TUSC3: variants seen among roughly 807,000 people sequenced by gnomAD.
The protein encoded by TUSC3 is dolichyl-diphosphooligosaccharide--protein glycosyltransferase subunit TUSC3.
In TUSC3, 45 loss-of-function variants were observed where a neutral mutation model predicts 44.8. That is an observed-to-expected ratio of 1.00 (90% CI 0.79 to 1.29). TUSC3 has a LOEUF of 1.29. TUSC3 is among the 50% of genes most tolerant of loss of function. The probability of loss-of-function intolerance (pLI) is 0.00; values close to 1 mark genes in which losing one functional copy is unlikely to be tolerated. For missense variants in TUSC3, 519 were observed against 437.9 expected (o/e 1.19, Z -1.65); for synonymous variants, 212 against 152.9 (o/e 1.39, Z -2.85).
At chr8:15,721,920 G>C (rs1049059354) in intron 6 of TUSC3, among the ~76,000 whole-genome samples, 11 of 151,492 alleles carry the variant, frequency 7.3e-5, no homozygotes, top group African/African-American at 2.7e-4. Flanking sequence ...CAAATATATA[G>C]TATAGTATAC....
intron 6 of TUSC3, among the ~76,000 whole-genome samples, chr8:15,674,336 G>A (rs1347023919): frequency 6.6e-6 from 1 of 151,990 alleles, no homozygotes; most frequent in Non-Finnish European, 1.5e-5. Context: ...GTTAGTAACT[G>A]CCACCGAATT....
At chr8:15,502,428 C>A (rs1324577417) in intron 2 of TUSC3, among the ~76,000 whole-genome samples, 2 of 152,226 alleles carry the variant, frequency 1.3e-5, no homozygotes, top group African/African-American at 4.8e-5. Flanking sequence ...ATTGACACTT[C>A]TTTTTATTAG....
At chr8:15,486,083 T>C (rs539925739) in intron 2 of TUSC3, among the ~76,000 whole-genome samples, 20 of 152,270 alleles carry the variant, frequency 1.3e-4, no homozygotes, top group African/African-American at 4.3e-4. Flanking sequence ...ATGAGCCACC[T>C]TGCCCAGCTT....
chr8:15,693,451 T>G (rs1166402218), intron 6 of TUSC3, among the ~76,000 whole-genome samples: 1 of 149,268 alleles, frequency 6.7e-6, no homozygotes, highest in Non-Finnish European at 1.5e-5. Flanking sequence ...CTTTTTTTTT[T>G]TTTTTTTTTT....
At chr8:15,696,955 C>T (rs983847875) in intron 6 of TUSC3, among the ~76,000 whole-genome samples, 1 of 151,914 alleles carries the variant, frequency 6.6e-6, no homozygotes, top group African/African-American at 2.4e-5. Context: ...TTTAAATTAC[C>T]ATTTCATTCT....
chr8:15,714,802 T>G (rs935818539), intron 6 of TUSC3, among the ~76,000 whole-genome samples: 1 of 152,178 alleles, frequency 6.6e-6, no homozygotes, highest in African/African-American at 2.4e-5. Context: ...ATGTCTGAAG[T>G]GAGAGCTACA....
At chr8:15,443,336 T>TTGTGTGTG (rs57905950) in intron 1 of TUSC3, among the ~76,000 whole-genome samples, 1,460 of 132,956 alleles carry the variant, frequency 0.011, 15 homozygotes, top group East Asian at 0.019. Flanking sequence ...ACCCACCTAA[T>TTGTGTGTG]TGTGTGTGTG....
chr8:15,539,741 T>G (rs1801608731), upstream of TUSC3, among the ~76,000 whole-genome samples: 1 of 152,126 alleles, frequency 6.6e-6, no homozygotes, highest in Admixed American at 6.5e-5. Flanking sequence ...TGCTCTGTAC[T>G]TATGCACTCC....
At chr8:15,700,480 G>A (rs1193758910) in intron 6 of TUSC3, among the ~76,000 whole-genome samples, 1 of 152,076 alleles carries the variant, frequency 6.6e-6, no homozygotes, top group African/African-American at 2.4e-5. Flanking sequence ...CCTTAGGCTG[G>A]ATATTGTAGG....
At chr8:15,421,035 A>G (rs1238297782) in intron 1 of TUSC3, among the ~76,000 whole-genome samples, 1 of 152,142 alleles carries the variant, frequency 6.6e-6, no homozygotes, top group Admixed American at 6.5e-5. Flanking sequence ...CTCTGCACTT[A>G]TATATCCAAC....
the TUSC3 span, among the ~76,000 whole-genome samples, chr8:15,797,062 G>T: frequency 3.3e-5 from 5 of 152,186 alleles, no homozygotes; most frequent in South Asian, 1.0e-3. Context: ...CTCAAGAAGA[G>T]GACAAGTCCA....
chr8:15,443,999 C>T (rs1366862208), intron 1 of TUSC3, among the ~76,000 whole-genome samples: 1 of 152,194 alleles, frequency 6.6e-6, no homozygotes, highest in African/African-American at 2.4e-5. Context: ...ACTCTGACCC[C>T]TGAATGCTCG....
intron 1 of TUSC3, among the ~76,000 whole-genome samples, chr8:15,585,765 AG>A: frequency 6.6e-6 from 1 of 152,298 alleles, no homozygotes; most frequent in East Asian, 1.9e-4. Flanking sequence ...GTCTTAGTCA[AG>A]CCCCTCAGTG....
chr8:15,536,679 CTCAAAAAAAAAAAAAAAAAAAAA>C, upstream of TUSC3, among the ~76,000 whole-genome samples: 3 of 38,776 alleles, frequency 7.7e-5, no homozygotes, highest in East Asian at 5.6e-4. Context: ...AAGATTCCGT[CTCAAAAAAAAAAAAAAAAAAAAA>C]AAAAAAAAAA....
At chr8:15,815,245 A>T in the TUSC3 span, among the ~76,000 whole-genome samples, 315 of 152,130 alleles carry the variant, frequency 2.1e-3, 1 homozygote, top group African/African-American at 7.2e-3. Context: ...GACTATTAAT[A>T]GAGAGATCGA....
At chr8:15,601,511 A>G (rs1804287114) in intron 1 of TUSC3, among the ~76,000 whole-genome samples, 2 of 151,710 alleles carry the variant, frequency 1.3e-5, no homozygotes, top group Admixed American at 1.3e-4. Flanking sequence ...TCTTTGGAGA[A>G]TTTTTGGTTG....
At chr8:15,472,625 C>T (rs375233582) in intron 1 of TUSC3, among the ~76,000 whole-genome samples, 2 of 152,232 alleles carry the variant, frequency 1.3e-5, no homozygotes, top group South Asian at 2.1e-4. Context: ...AAACACAGCT[C>T]ATTTCACTAT....
chr8:15,577,394 A>G lies in TUSC3; in HGVS notation c.138+36826A>G, dbSNP rs372318709. 3.2e-4 allele frequency among the ~76,000 whole-genome samples: 49 copies of G among 151,878 alleles called. No homozygotes were observed. The South Asian group carries it at 6.9e-3, about 21-fold the overall frequency. The stretch of plus-strand genomic sequence containing the variant: ...GGACATGAAGTCCTTGCCCATGCCT[A>G]TGTCCTGAATGGTAAATGCCTAGGT... On this transcript the variant is annotated intron_variant, in intron 1 of 10. Transcript: ENST00000503731.
chr8:15,805,075 A>C, the TUSC3 span, among the ~76,000 whole-genome samples: 1 of 151,816 alleles, frequency 6.6e-6, no homozygotes, highest in Non-Finnish European at 1.5e-5. Flanking sequence ...TAGGTATTTT[A>C]TTTTTGTGTG....
Sources: gnomAD v4.1 joint callset for allele counts (sites outside exome capture counted in the v4.1 genomes callset) on GRCh38, gnomAD v4.1.1 for gene constraint, MANE v1.5 for transcripts, NCBI Gene and HGNC (gene_info 2026-07-23, HGNC 2026-07-21) for gene names.